SCML4: variants seen among roughly 807,000 people sequenced by gnomAD.
SCML4 encodes the protein Scm polycomb group protein like 4.
A neutral mutation model predicts 41.1 loss-of-function variants in SCML4; 34 were observed. The ratio of observed to expected loss-of-function variants is 0.83; its 90% CI spans 0.63 to 1.10. The LOEUF is 1.10. SCML4 is among the 50% of genes least tolerant of loss of function. The pLI is 0.00. For synonymous variants in SCML4, 214 were observed against 220.9 expected, an observed-to-expected ratio of 0.97 and a Z score of 0.28; for missense variants, 522 against 534.1, an observed-to-expected ratio of 0.98 and a Z score of 0.22.
intron 1 of SCML4, among the ~76,000 whole-genome samples, chr6:107,791,575 C>A (rs1450101238): frequency 6.6e-6 from 1 of 152,172 alleles, no homozygotes; most frequent in African/African-American, 2.4e-5. Flanking sequence ...GATTATTAAA[C>A]AAGCTAGTAA....
the SCML4 span, among the ~76,000 whole-genome samples, chr6:107,845,572 A>C: frequency 6.6e-6 from 1 of 152,212 alleles, no homozygotes; most frequent in African/African-American, 2.4e-5. Context: ...TCCTGTTACT[A>C]ATTAGAACAT....
intron 2 of SCML4, among the ~76,000 whole-genome samples, chr6:107,750,256 G>T (rs924810440): frequency 6.6e-6 from 1 of 152,142 alleles, no homozygotes; most frequent in Non-Finnish European, 1.5e-5. Context: ...AAAATCACTG[G>T]GTCCTGCCGG....
intron 6 of SCML4, among the ~76,000 whole-genome samples, chr6:107,713,095 A>G (rs973026376): frequency 1.1e-4 from 16 of 152,252 alleles, no homozygotes; most frequent in African/African-American, 3.4e-4. Flanking sequence ...TAGGATGACT[A>G]TGAGTCAGTG....
At chr6:107,803,324 G>A (rs960948481) in intron 1 of SCML4, among the ~76,000 whole-genome samples, 15 of 150,562 alleles carry the variant, frequency 1.0e-4, no homozygotes, top group East Asian at 2.0e-4. Context: ...CAGCCACTTT[G>A]TCTGGGAAGT....
In SCML4 at chr6:107,756,022, C is replaced by G. The variant is rs117052077; in HGVS notation, c.157-6209G>C. ...AGTATGAAATAAATATTCATGAATC[C>G]ACACTGACATAAATAGGTGGTTGAC... On this transcript the variant is annotated intron_variant, in intron 2 of 7. Transcript: ENST00000369020. Among the ~76,000 whole-genome samples, 771 of 152,188 alleles carry G rather than the reference C, an allele frequency of 5.1e-3. 11 individuals carry two copies. The East Asian group carries it at 0.064, about 13-fold the overall frequency.
rs1418608169 is a variant in SCML4, at chr6:107,728,935, AC to A, written c.683-7943del. On this transcript the variant is annotated intron_variant, in intron 5 of 7. Transcript: ENST00000369020. ...GAATTGATGAAATGGATCTGTTCAA[AC>A]CCGATTGAAACTGCATTTTCCGCAC... Among the ~76,000 whole-genome samples, 6 of 152,276 alleles carry A rather than the reference AC, an allele frequency of 3.9e-5. No homozygotes were observed. In the East Asian group the frequency reaches 1.2e-3, roughly 29 times the overall value.
At chr6:107,766,040 T>C (rs578174813) in intron 2 of SCML4, among the ~76,000 whole-genome samples, 2 of 152,234 alleles carry the variant, frequency 1.3e-5, no homozygotes, top group East Asian at 1.9e-4. Flanking sequence ...GTCCCAGCTG[T>C]TTGGGAGGCT....
chr6:107,709,483 C>G (rs1013883159), intron 6 of SCML4, among the ~76,000 whole-genome samples: 2 of 152,202 alleles, frequency 1.3e-5, no homozygotes, highest in Non-Finnish European at 2.9e-5. Context: ...TCCCCACATC[C>G]CTGCTCTCCT....
At chr6:107,831,579 G>T in the SCML4 span, among the ~76,000 whole-genome samples, 1 of 152,146 alleles carries the variant, frequency 6.6e-6, no homozygotes, top group Non-Finnish European at 1.5e-5. Flanking sequence ...GAGGAAAGAA[G>T]AGGGAAGTAA....
At chr6:107,785,455 T>C (rs759563527) in intron 1 of SCML4, among the ~76,000 whole-genome samples, 3 of 152,180 alleles carry the variant, frequency 2.0e-5, no homozygotes, top group Non-Finnish European at 2.9e-5. Context: ...TCCCATCTCC[T>C]AAGCACCCAG....
At position 107,717,122 on chromosome 6, in the gene SCML4, A is replaced by AC. The variant is rs573391607; in HGVS notation, c.973+3580dup. ...AGACCATCCTGGCTAACACTGTGAA[A>AC]CCCCGTCTCTACTAAAAATACAAAA... On this transcript the variant is annotated intron_variant, in intron 6 of 7. Transcript: ENST00000369020. Among the ~76,000 whole-genome samples the AC allele has an allele frequency of 7.4e-3, 964 of 130,220 alleles. 15 individuals are homozygous for AC. The highest frequency in any genetic ancestry group is 0.027 in the African/African-American group (924 of 34,406). The allele number at this position is 130,220 out of a possible 152,430, so 85.4% of individuals were successfully genotyped here.
chr6:107,762,026 C>T (rs774585198), intron 2 of SCML4, among the ~76,000 whole-genome samples: 1 of 151,542 alleles, frequency 6.6e-6, no homozygotes, highest in Non-Finnish European at 1.5e-5. Flanking sequence ...CTGTATCAAA[C>T]AATAATAATG....
At chr6:107,797,755 A>C (rs1004602662) in intron 1 of SCML4, among the ~76,000 whole-genome samples, 1 of 151,856 alleles carries the variant, frequency 6.6e-6, no homozygotes, top group Non-Finnish European at 1.5e-5. Context: ...TGTTATCTTT[A>C]GGTATTCATA....
intron 1 of SCML4, among the ~76,000 whole-genome samples, chr6:107,818,609 T>G (rs2114302651): frequency 6.6e-6 from 1 of 152,348 alleles, no homozygotes; most frequent in Non-Finnish European, 1.5e-5. Context: ...TGAGAATGAT[T>G]CTTACAGTCC....
the SCML4 span, among the ~76,000 whole-genome samples, chr6:107,844,017 A>C: frequency 6.6e-6 from 1 of 152,246 alleles, no homozygotes; most frequent in South Asian, 2.1e-4. Context: ...GAGAAAAATA[A>C]TGATGGCAGA....
In SCML4 at chr6:107,813,335, C is replaced by T. The variant is rs190295146; in HGVS notation, c.-60+10791G>A. ...CTGAGATCGTGCTACTACACTCCAG[C>T]CTGGGTGACAGAGTGAGACGCCATC... On this transcript the variant is annotated intron_variant, in intron 1 of 7. Transcript: ENST00000369020. Among the ~76,000 whole-genome samples the T allele has an allele frequency of 6.1e-5, 8 of 132,196 alleles. No individual in the cohort carries two copies. The East Asian group carries it at 1.5e-3, about 26-fold the overall frequency. The allele number at this position is 132,196 out of a possible 152,430, so 86.7% of individuals were successfully genotyped here.
At chr6:107,832,072 A>AG in the SCML4 span, among the ~76,000 whole-genome samples, 8 of 150,642 alleles carry the variant, frequency 5.3e-5, no homozygotes, top group African/African-American at 1.7e-4. Context: ...CAAAAAAAAA[A>AG]AAAGAAAGAA....
the SCML4 span, among the ~76,000 whole-genome samples, chr6:107,833,973 T>C: frequency 6.6e-6 from 1 of 152,160 alleles, no homozygotes; most frequent in Non-Finnish European, 1.5e-5. Flanking sequence ...GGCACATATA[T>C]GAGGTGTCAT....
intron 2 of SCML4, among the ~76,000 whole-genome samples, chr6:107,762,561 T>G (rs1474613857): frequency 6.6e-6 from 1 of 152,148 alleles, no homozygotes; most frequent in East Asian, 1.9e-4. Flanking sequence ...AGGTCATAAG[T>G]CTGGGTCTTA....
Sources: gnomAD v4.1 joint callset for allele counts (sites outside exome capture counted in the v4.1 genomes callset) on GRCh38, gnomAD v4.1.1 for gene constraint, MANE v1.5 for transcripts, NCBI Gene and HGNC (gene_info 2026-07-23, HGNC 2026-07-21) for gene names.